DCUN1D4: variants seen among roughly 807,000 people sequenced by gnomAD.
DCUN1D4 encodes defective in cullin neddylation 1 domain containing 4, also known as DCN1-like protein 4.
DCUN1D4 carries 22 observed loss-of-function variants against 47.9 expected under a neutral mutation model. The ratio of observed to expected loss-of-function variants is 0.46; its 90% confidence interval spans 0.33 to 0.66. The LOEUF (loss-of-function observed/expected upper bound fraction) is 0.66, where lower values mean the gene tolerates loss of function less well. Ranked by LOEUF, DCUN1D4 falls within the 30% of genes least tolerant of loss-of-function variation. DCUN1D4 has a pLI of 0.02. For synonymous variants in DCUN1D4, 121 were observed against 112.2 expected (o/e 1.08, Z -0.50); for missense variants, 301 against 340.8 (o/e 0.88, Z 0.92).
At chr4:51,904,402 C>T (rs1437508060) in intron 8 of DCUN1D4, among the ~76,000 whole-genome samples, 1 of 152,094 alleles carries the variant, frequency 6.6e-6, no homozygotes, top group Non-Finnish European at 1.5e-5. Context: ...TGTATATGGC[C>T]AAAGACTGAA....
intron 7 of DCUN1D4, 21 bp downstream of exon 7, chr4:51,891,872 G>A (rs754975062): frequency 6.4e-7 from 1 of 1,571,522 alleles, no homozygotes; most frequent in Non-Finnish European, 8.7e-7. Flanking sequence ...GGCTGCACTA[G>A]TGGGGGTCCC....
intron 4 of DCUN1D4, chr4:51,877,557 G>T: frequency 2.6e-6 from 1 of 390,266 alleles, no homozygotes; most frequent in South Asian, 3.9e-5. Flanking sequence ...TGTATTAAGT[G>T]CTTACCAGTT....
At chr4:51,836,874 G>T in the DCUN1D4 span, among the ~76,000 whole-genome samples, 1 of 152,170 alleles carries the variant, frequency 6.6e-6, no homozygotes, top group East Asian at 1.9e-4. Context: ...GATGGATGGG[G>T]TCTCCTGTAC....
chr4:51,907,842 A>G (rs1733129529), intron 8 of DCUN1D4, among the ~76,000 whole-genome samples: 1 of 152,196 alleles, frequency 6.6e-6, no homozygotes, highest in Non-Finnish European at 1.5e-5. Flanking sequence ...TTCTATTTAC[A>G]TGTTTACAGT....
intron 9 of DCUN1D4, 24 bp downstream of exon 9, chr4:51,911,198 A>G (rs1405321980): frequency 1.3e-6 from 2 of 1,586,890 alleles, no homozygotes; most frequent in East Asian, 4.5e-5. Context: ...GTTTTATGAA[A>G]TGTATGTTTG....
At chr4:51,852,290 T>G (rs1312508674) in intron 1 of DCUN1D4, among the ~76,000 whole-genome samples, 1 of 152,232 alleles carries the variant, frequency 6.6e-6, no homozygotes, top group Non-Finnish European at 1.5e-5. Flanking sequence ...TCATTTTTAG[T>G]CTTCTTAGAT....
intron 1 of DCUN1D4, among the ~76,000 whole-genome samples, chr4:51,857,873 T>A (rs1724390670): frequency 6.6e-6 from 1 of 152,220 alleles, no homozygotes; most frequent in Non-Finnish European, 1.5e-5. Flanking sequence ...ATTCATTTGT[T>A]GAATATTTAT....
In DCUN1D4 at chr4:51,914,373, C is replaced by G. The variant is rs980278282; in HGVS notation, c.*789C>G. 6.6e-6 allele frequency: 1 copy of G among 151,666 alleles called. No individual in the cohort carries two copies. The highest frequency in any genetic ancestry group is 2.4e-5 in the African/African-American group (1 of 41,316). 9.4% of individuals were successfully genotyped at this position (151,666 alleles called of 1,614,324 possible). ...TTTTGTTTGTTTGTTCTCTTTTTTTCCTTTTGCATTCTTCTAGCCAGTGAT... is the reference window on the plus strand; with the variant it reads ...TTTTGTTTGTTTGTTCTCTTTTTTTGCTTTTGCATTCTTCTAGCCAGTGAT... On this transcript the variant is annotated 3_prime_UTR_variant, in exon 11 of 11. Transcript: ENST00000334635.
intron 8 of DCUN1D4, 141 bp downstream of exon 8, chr4:51,899,519 A>G (rs1024231170): frequency 6.9e-7 from 1 of 1,459,186 alleles, no homozygotes; most frequent in Non-Finnish European, 9.0e-7. Flanking sequence ...ATTTCTTTCT[A>G]CATGTATGCT....
At chr4:51,841,932 T>C (rs1438485417), upstream of DCUN1D4, among the ~76,000 whole-genome samples, 4 of 143,302 alleles carry the variant, frequency 2.8e-5, no homozygotes, top group East Asian at 8.5e-4. Context: ...CTTGTAGGTG[T>C]GTTGTTGTTG....
At chr4:51,891,943 G>C (rs1325625715) in intron 7 of DCUN1D4, 92 bp downstream of exon 7, 1 of 970,954 alleles carries the variant, frequency 1.0e-6, no homozygotes, top group Non-Finnish European at 1.6e-6. Flanking sequence ...TTGAGTGAGT[G>C]GAAGGAAGTC....
rs1363173766 is a variant in DCUN1D4 at position 51,894,036 on chromosome 4, C to T, written c.506+2185C>T. 2.0e-5 allele frequency among the ~76,000 whole-genome samples: 3 copies of T among 152,140 alleles called. No homozygotes were observed. The East Asian group carries it at 5.8e-4, about 29-fold the overall frequency. On this transcript the variant is annotated intron_variant, in intron 7 of 10. Transcript: ENST00000334635. ...GCGTCTGCGTTCTGAGTCCAGGGTA[C>T]TCCTTCAGGCTGTTTGTTGGGAACC...
intron 5 of DCUN1D4, among the ~76,000 whole-genome samples, chr4:51,885,119 T>C (rs1228617584): frequency 1.3e-5 from 2 of 152,020 alleles, no homozygotes; most frequent in African/African-American, 4.8e-5. Flanking sequence ...CCAAACACTT[T>C]GGATTTTATA....
chr4:51,850,998 C>T (rs1390491317), intron 1 of DCUN1D4, among the ~76,000 whole-genome samples: 1 of 152,088 alleles, frequency 6.6e-6, no homozygotes, highest in Non-Finnish European at 1.5e-5. Context: ...ATAAGTGGTC[C>T]AAAGGATTAA....
intron 8 of DCUN1D4, among the ~76,000 whole-genome samples, chr4:51,903,955 GTTAA>G (rs989777238): frequency 1.3e-5 from 2 of 151,600 alleles, no homozygotes; most frequent in Non-Finnish European, 2.9e-5. Flanking sequence ...TCCATCATCT[GTTAA>G]TTCTGTGTCT....
chr4:51,856,850 C>G (rs757812734), intron 1 of DCUN1D4, among the ~76,000 whole-genome samples: 6 of 152,060 alleles, frequency 3.9e-5, no homozygotes, highest in Non-Finnish European at 7.4e-5. Context: ...AAAAATACCA[C>G]TGGAAACACT....
the DCUN1D4 span, among the ~76,000 whole-genome samples, chr4:51,837,654 C>CAAAAAAA: frequency 1.4e-3 from 65 of 46,202 alleles, 2 homozygotes; most frequent in Non-Finnish European, 1.9e-3. Flanking sequence ...GACTCCGTCT[C>CAAAAAAA]AAAAAAAAAA....
At chr4:51,841,364 C>G (rs1378640413), upstream of DCUN1D4, among the ~76,000 whole-genome samples, 1 of 152,128 alleles carries the variant, frequency 6.6e-6, no homozygotes, top group African/African-American at 2.4e-5. Flanking sequence ...AATGCAGGAG[C>G]AGCTTCCCTG....
chr4:51,847,527 C>T (rs1339722386), intron 1 of DCUN1D4, among the ~76,000 whole-genome samples: 1 of 152,152 alleles, frequency 6.6e-6, no homozygotes, highest in Admixed American at 6.5e-5. Context: ...TTCCCATGCC[C>T]AGCCTCTCTT....
Sources: allele counts gnomAD v4.1 joint callset (sites outside exome capture counted in the v4.1 genomes callset), GRCh38; gene constraint gnomAD v4.1.1; transcripts MANE v1.5; gene names NCBI Gene and HGNC (gene_info 2026-07-23, HGNC 2026-07-21).